Variants in DAB2IP observed in about 807,000 individuals in gnomAD.
DAB2IP encodes the protein DAB2 interacting protein, also known as disabled homolog 2-interacting protein.
A neutral mutation model predicts 107.2 loss-of-function variants in DAB2IP; 28 were observed. The observed-to-expected ratio is 0.26, with a 90% CI of 0.19 to 0.36. The LOEUF is 0.36. Ranked by LOEUF, DAB2IP falls within the 10% of genes least tolerant of loss-of-function variation. DAB2IP has a pLI of 1.00. For synonymous variants in DAB2IP, 755 were observed against 706.4 expected, an observed-to-expected ratio of 1.07 and a Z score of -1.09; for missense variants, 1,400 against 1,644.7, an observed-to-expected ratio of 0.85 and a Z score of 2.57.
At chr9:121,781,063 G>A (rs1199629576) in intron 14 of DAB2IP, among the ~76,000 whole-genome samples, 1 of 152,242 alleles carries the variant, frequency 6.6e-6, no homozygotes, top group African/African-American at 2.4e-5. Flanking sequence ...GTACAACTTT[G>A]TGAAGATGGC....
chr9:121,764,901 G>T (rs543921879), intron 8 of DAB2IP, among the ~76,000 whole-genome samples: 1 of 152,334 alleles, frequency 6.6e-6, no homozygotes, highest in Admixed American at 6.5e-5. Context: ...TCCTGTGAAT[G>T]CTGGGGCACC....
intron 2 of DAB2IP, 87 bp downstream of exon 2, chr9:121,678,868 C>A: frequency 2.4e-6 from 3 of 1,248,518 alleles, no homozygotes; most frequent in Non-Finnish European, 3.2e-6. Flanking sequence ...CACGGCCCCC[C>A]TTCCTGGAGC....
chr9:121,749,515 C>T (rs776767920), intron 3 of DAB2IP, among the ~76,000 whole-genome samples: 9 of 152,174 alleles, frequency 5.9e-5, no homozygotes, highest in Non-Finnish European at 1.0e-4. Context: ...AAACCTTGTC[C>T]AGGATTTCTC....
intron 1 of DAB2IP, among the ~76,000 whole-genome samples, chr9:121,658,467 G>A (rs1262524619): frequency 6.6e-6 from 1 of 152,218 alleles, no homozygotes; most frequent in African/African-American, 2.4e-5. Context: ...CACGTATCGC[G>A]TGCCCGCTCT....
intron 2 of DAB2IP, among the ~76,000 whole-genome samples, chr9:121,694,665 C>T (rs907521774): frequency 6.6e-6 from 1 of 152,094 alleles, no homozygotes; most frequent in African/African-American, 2.4e-5. Flanking sequence ...CCCCAGGCCT[C>T]TGACCCCCAC....
chr9:121,707,260 C>T, intron 3 of DAB2IP, among the ~76,000 whole-genome samples: 1 of 152,184 alleles, frequency 6.6e-6, no homozygotes, highest in East Asian at 1.9e-4. Flanking sequence ...GACTGGTGGG[C>T]AGCCTGAGAC....
chr9:121,710,415 A>G (rs1589559697), intron 3 of DAB2IP, among the ~76,000 whole-genome samples: 1 of 152,034 alleles, frequency 6.6e-6, no homozygotes, highest in Non-Finnish European at 1.5e-5. Context: ...AGTCATCAGG[A>G]TGTGAGGGCA....
chr9:121,591,094 T>C (rs1830414638), intron 1 of DAB2IP, among the ~76,000 whole-genome samples: 1 of 152,082 alleles, frequency 6.6e-6, no homozygotes, highest in Non-Finnish European at 1.5e-5. Context: ...GGCTGTGTCG[T>C]GGGAAGAAGC....
exon 6 of DAB2IP, chr9:121,759,983 C>T (rs1194635352): frequency 1.2e-5 from 19 of 1,614,072 alleles, no homozygotes; most frequent in Non-Finnish European, 1.5e-5. Context: ...TGTGCCTGGA[C>T]GATGTGCTCT....
Position 121,768,313 on chromosome 9 carries a change from G to GTGAA in DAB2IP, c.1698-116_1698-113dup, listed in dbSNP as rs1416020310. ...AGAGCATATTCAGCTGACTTGGGGA[G>GTGAA]TGAATGGAGTGGGAGCCTGCCATAG... is the stretch of plus-strand genomic sequence containing the variant. On this transcript the variant is annotated intron_variant, in intron 9 of 15. Coordinates refer to ENST00000408936, the Ensembl canonical transcript of DAB2IP. 35 of 1,070,350 alleles carry GTGAA rather than the reference G, an allele frequency of 3.3e-5. No individual in the cohort carries two copies. In the East Asian group the frequency reaches 8.1e-4, roughly 25 times the overall value. 66.3% of individuals were successfully genotyped at this position (1,070,350 alleles called of 1,614,324 possible).
chr9:121,727,688 G>T (rs1666967279), intron 3 of DAB2IP, among the ~76,000 whole-genome samples: 1 of 152,216 alleles, frequency 6.6e-6, no homozygotes, highest in African/African-American at 2.4e-5. Flanking sequence ...AAGGAATGTT[G>T]GGGGCCCCCA....
intron 3 of DAB2IP, among the ~76,000 whole-genome samples, chr9:121,719,538 G>C (rs569380787): frequency 6.6e-6 from 1 of 152,192 alleles, no homozygotes; most frequent in Non-Finnish European, 1.5e-5. Flanking sequence ...CATCGGGAGA[G>C]TGAGAAATCA....
At chr9:121,774,555 G>C in intron 13 of DAB2IP, 143 bp downstream of exon 13, 2 of 969,066 alleles carry the variant, frequency 2.1e-6, no homozygotes, top group Non-Finnish European at 2.9e-6. Context: ...TGTTCCCTGT[G>C]AGAATAGCAG....
chr9:121,770,813 C>G (rs1468270058), intron 11 of DAB2IP, 89 bp downstream of exon 11: 2 of 1,503,370 alleles, frequency 1.3e-6, no homozygotes, highest in Admixed American at 1.9e-5. Context: ...AAAGAGGATG[C>G]CTACATAGTG....
rs747133207 is a variant in DAB2IP, at chr9:121,772,886, G to A, written c.2358G>A (p.Pro786=). The change falls in exon 12 of 16, where the codon CCG becomes CCA. Residue 786 remains proline (P), a synonymous_variant. Coordinates refer to ENST00000408936, the Ensembl canonical transcript of DAB2IP. This position sits in a 1 kb window ranked among gnomAD's most constrained non-coding sequence, Gnocchi z 4.7. Reference sequence around the variant, plus strand: ...CAGCTCAGCTGGTGGCCGGGTGGCCGGCCCGGGCAACCCCAGTGAACCTGG... The same window carrying A: ...CAGCTCAGCTGGTGGCCGGGTGGCCAGCCCGGGCAACCCCAGTGAACCTGG... 79 of 1,577,604 alleles carry A rather than the reference G, an allele frequency of 5.0e-5. 1 individual carries two copies. The South Asian group carries it at 5.6e-4, about 11-fold the overall frequency.
chr9:121,619,377 C>T (rs1279851956), intron 1 of DAB2IP, among the ~76,000 whole-genome samples: 1 of 152,156 alleles, frequency 6.6e-6, no homozygotes, highest in Non-Finnish European at 1.5e-5. Context: ...GAACTCCTGG[C>T]CTCAAGTGAT....
chr9:121,727,984 A>G (rs906607541), intron 3 of DAB2IP, among the ~76,000 whole-genome samples: 1 of 152,202 alleles, frequency 6.6e-6, no homozygotes, highest in African/African-American at 2.4e-5. Context: ...GTAAGAAAAC[A>G]GTCCAGTTCA....
intron 3 of DAB2IP, among the ~76,000 whole-genome samples, chr9:121,743,744 G>A (rs1025298393): frequency 1.3e-5 from 2 of 152,224 alleles, no homozygotes; most frequent in Non-Finnish European, 2.9e-5. Context: ...CTTAGAATAA[G>A]AGAGGCTGGG....
chr9:121,580,348 G>T (rs919765655), intron 1 of DAB2IP, among the ~76,000 whole-genome samples: 1 of 152,324 alleles, frequency 6.6e-6, no homozygotes, highest in East Asian at 1.9e-4. Flanking sequence ...ACCTCTAGGG[G>T]TAGGTGGGAA....
Sources: gnomAD v4.1 joint callset for allele counts (sites outside exome capture counted in the v4.1 genomes callset) on GRCh38, gnomAD v4.1.1 for gene constraint, Gnocchi (gnomAD v3.1) non-coding constraint, MANE v1.5 for transcripts, NCBI Gene and HGNC (gene_info 2026-07-23, HGNC 2026-07-21) for gene names.